Variants in MINDY3 observed in about 807,000 individuals in gnomAD.
The protein encoded by MINDY3 is ubiquitin carboxyl-terminal hydrolase MINDY-3.
MINDY3 carries 38 observed loss-of-function variants against 69.2 expected under a neutral mutation model. The ratio of observed to expected loss-of-function variants is 0.55; its 90% CI spans 0.42 to 0.72. The LOEUF (loss-of-function observed/expected upper bound fraction) is 0.72. Among genes scored for constraint, MINDY3 ranks in the 30% least tolerant of loss-of-function variants. MINDY3 has a pLI of 0.00. For synonymous variants in MINDY3, 192 were observed against 180.1 expected, an observed-to-expected ratio of 1.07 and a Z score of -0.53; for missense variants, 522 against 519.0, an observed-to-expected ratio of 1.01 and a Z score of -0.06.
At chr10:15,784,907 G>A (rs1836839973) in intron 13 of MINDY3, among the ~76,000 whole-genome samples, 1 of 152,076 alleles carries the variant, frequency 6.6e-6, no homozygotes, top group African/African-American at 2.4e-5. Context: ...TGACACCGAG[G>A]GCGTCTGAGC....
intron 8 of MINDY3, 141 bp downstream of exon 8, chr10:15,833,489 G>C (rs1339104288): frequency 2.3e-5 from 12 of 524,930 alleles, no homozygotes; most frequent in East Asian, 6.3e-5. Flanking sequence ...ATGGTGCCTT[G>C]AAAACTGTAA....
intron 8 of MINDY3, among the ~76,000 whole-genome samples, chr10:15,822,519 A>G (rs1315566389): frequency 6.6e-6 from 1 of 152,226 alleles, no homozygotes; most frequent in Non-Finnish European, 1.5e-5. Flanking sequence ...GCATTTAAGG[A>G]ATGAAGAATT....
intron 2 of MINDY3, 49 bp from the exon 3 acceptor site, chr10:15,843,321 T>A: frequency 7.2e-7 from 1 of 1,386,386 alleles, no homozygotes; most frequent in Non-Finnish European, 1.0e-6. Flanking sequence ...TAACCATACA[T>A]CATATCATTC....
chr10:15,838,520 G>A (rs111941181), intron 4 of MINDY3, among the ~76,000 whole-genome samples: 2,593 of 151,764 alleles, frequency 0.017, 55 homozygotes, highest in African/African-American at 0.056. Context: ...TAACATTTCA[G>A]TTCAGCTATG....
intron 2 of MINDY3, among the ~76,000 whole-genome samples, chr10:15,847,240 G>C (rs577521698): frequency 6.6e-6 from 1 of 152,096 alleles, no homozygotes; most frequent in Non-Finnish European, 1.5e-5. Flanking sequence ...AGTTTATAGC[G>C]AATCAGCCTT....
chr10:15,798,017 T>C (rs992558515), intron 10 of MINDY3, among the ~76,000 whole-genome samples: 2 of 152,188 alleles, frequency 1.3e-5, no homozygotes, highest in African/African-American at 2.4e-5. Context: ...TCAAATTTTA[T>C]GCAGAGGGGA....
At chr10:15,803,987 G>A (rs1838448102) in intron 10 of MINDY3, among the ~76,000 whole-genome samples, 4 of 151,930 alleles carry the variant, frequency 2.6e-5, no homozygotes, top group Admixed American at 2.6e-4. Flanking sequence ...ACCCTCAGTA[G>A]GAAGAGATCC....
At chr10:15,843,323 A>G (rs777781030) in intron 2 of MINDY3, 51 bp from the exon 3 acceptor site, 6 of 1,386,104 alleles carry the variant, frequency 4.3e-6, no homozygotes, top group Non-Finnish European at 6.2e-6. Context: ...ACCATACATC[A>G]TATCATTCTT....
intron 1 of MINDY3, among the ~76,000 whole-genome samples, chr10:15,850,162 T>TAA (rs1834177526): frequency 6.6e-6 from 1 of 152,244 alleles, no homozygotes; most frequent in African/African-American, 2.4e-5. Flanking sequence ...AATACTCTTA[T>TAA]AATTTCCTAT....
intron 1 of MINDY3, among the ~76,000 whole-genome samples, chr10:15,849,454 T>C (rs1228370637): frequency 6.6e-6 from 1 of 151,836 alleles, no homozygotes; most frequent in Admixed American, 6.6e-5. Context: ...TGGTTTTTTT[T>C]TTTTTTCTTT....
rs115984538 is a variant in MINDY3, at chr10:15,790,541, T to C, written c.956-1222A>G. On this transcript the variant is annotated intron_variant, in intron 11 of 14. Transcript: ENST00000277632. ...GTCTGATCACTGATTTTGCTTAAGT[T>C]AAGTCATAGCTAAAGGCTCAGCGTC... is the stretch of plus-strand genomic sequence containing the variant. 4.9e-3 allele frequency among the ~76,000 whole-genome samples: 746 copies of C among 152,172 alleles called. 10 individuals carry two copies. Among genetic ancestry groups the C allele is most frequent in the African/African-American group, 0.017 (715 of 41,530 alleles).
chr10:15,845,048 T>C (rs1833731523), intron 2 of MINDY3, among the ~76,000 whole-genome samples: 1 of 151,218 alleles, frequency 6.6e-6, no homozygotes, highest in African/African-American at 2.4e-5. Flanking sequence ...TTGCTAATAT[T>C]TACTGCAAAT....
intron 1 of MINDY3, among the ~76,000 whole-genome samples, chr10:15,859,626 C>T (rs1191757587): frequency 6.6e-6 from 1 of 151,304 alleles, no homozygotes; most frequent in Non-Finnish European, 1.5e-5. Flanking sequence ...TTAACCGTGA[C>T]AGATAATAAA....
chr10:15,848,527 G>C (rs747704806), intron 1 of MINDY3, among the ~76,000 whole-genome samples: 1 of 150,960 alleles, frequency 6.6e-6, no homozygotes, highest in Admixed American at 6.6e-5. Context: ...CCAGCTACTC[G>C]GGAGGCTGAG....
At chr10:15,858,977 CA>C (rs1834889592) in intron 1 of MINDY3, among the ~76,000 whole-genome samples, 2 of 151,974 alleles carry the variant, frequency 1.3e-5, no homozygotes, top group African/African-American at 4.8e-5. Context: ...TTTGGGAACT[CA>C]AAGGAAGATA....
At chr10:15,800,503 T>A (rs1838182170) in intron 10 of MINDY3, among the ~76,000 whole-genome samples, 1 of 152,120 alleles carries the variant, frequency 6.6e-6, no homozygotes, top group South Asian at 2.1e-4. Context: ...GTGCAGCCCA[T>A]CACTCCAGTG....
chr10:15,855,501 C>G (rs1834626103), intron 1 of MINDY3, among the ~76,000 whole-genome samples: 2 of 152,036 alleles, frequency 1.3e-5, no homozygotes, highest in African/African-American at 4.8e-5. Flanking sequence ...CTTAAAACAC[C>G]TAATCCTACG....
chr10:15,782,467 GAACT>G (rs1182397572), intron 13 of MINDY3: 5 of 409,698 alleles, frequency 1.2e-5, no homozygotes, highest in South Asian at 5.2e-5. Flanking sequence ...AAGCTCTTCA[GAACT>G]AACTTATTTT....
At chr10:15,831,263 T>G (rs1276868866) in intron 8 of MINDY3, among the ~76,000 whole-genome samples, 1 of 152,162 alleles carries the variant, frequency 6.6e-6, no homozygotes, top group Non-Finnish European at 1.5e-5. Flanking sequence ...CCAATGAAAC[T>G]TGTAATGAGG....
Sources: allele counts gnomAD v4.1 joint callset (sites outside exome capture counted in the v4.1 genomes callset), GRCh38; gene constraint gnomAD v4.1.1; transcripts MANE v1.5; gene names NCBI Gene and HGNC (gene_info 2026-07-23, HGNC 2026-07-21).